Variants in LINGO2 observed in about 807,000 individuals in gnomAD.
The protein encoded by LINGO2 is leucine-rich repeat and immunoglobulin-like domain-containing nogo receptor-interacting protein 2.
LINGO2 carries 14 observed loss-of-function variants against 30.6 expected under a neutral mutation model. That is an observed-to-expected ratio of 0.46 (90% CI 0.30 to 0.72). The LOEUF (loss-of-function observed/expected upper bound fraction) is 0.72, where lower values mean the gene tolerates loss of function less well. Ranked by LOEUF, LINGO2 falls within the 30% of genes least tolerant of loss-of-function variation. The pLI is 0.07. For synonymous variants in LINGO2, 317 were observed against 288.5 expected (o/e 1.10, Z -1.00); for missense variants, 729 against 751.7 (o/e 0.97, Z 0.35).
chr9:28,746,203 C>A, the LINGO2 span, among the ~76,000 whole-genome samples: 2 of 151,924 alleles, frequency 1.3e-5, no homozygotes, highest in Non-Finnish European at 2.9e-5. Flanking sequence ...CTTCAATAAT[C>A]ATGCTAGGTA....
At chr9:29,040,583 C>T in the LINGO2 span, among the ~76,000 whole-genome samples, 2 of 150,494 alleles carry the variant, frequency 1.3e-5, no homozygotes, top group Admixed American at 6.6e-5. Context: ...AAAAGAGATA[C>T]ATAATTATCA....
chr9:27,949,445 T>G (rs377599950), exon 6 of LINGO2: 6 of 1,613,928 alleles, frequency 3.7e-6, no homozygotes, highest in African/African-American at 2.7e-5. Context: ...GGATTTTGGG[T>G]TTTTTGCAGG....
intron 4 of LINGO2, among the ~76,000 whole-genome samples, chr9:28,243,864 C>T (rs538804641): frequency 1.3e-5 from 2 of 152,222 alleles, no homozygotes; most frequent in African/African-American, 2.4e-5. Context: ...TAGACTCCCA[C>T]TCAATAATAG....
chr9:29,021,604 C>T, the LINGO2 span, among the ~76,000 whole-genome samples: 108 of 151,238 alleles, frequency 7.1e-4, no homozygotes, highest in Admixed American at 2.0e-3. Flanking sequence ...TTGCAGTGAG[C>T]GGAAATCGCT....
intron 5 of LINGO2, among the ~76,000 whole-genome samples, chr9:27,982,960 A>C (rs1422742434): frequency 6.6e-6 from 1 of 151,866 alleles, no homozygotes; most frequent in Non-Finnish European, 1.5e-5. Flanking sequence ...CATGCAGCAC[A>C]CAATACGTAC....
chr9:28,640,614 G>A (rs998727972), intron 1 of LINGO2, among the ~76,000 whole-genome samples: 9 of 150,230 alleles, frequency 6.0e-5, no homozygotes, highest in Admixed American at 4.7e-4. Flanking sequence ...CCAGTTGATC[G>A]AATCGGCTAC....
the LINGO2 span, among the ~76,000 whole-genome samples, chr9:28,705,026 C>T: frequency 6.6e-6 from 1 of 152,032 alleles, no homozygotes; most frequent in Non-Finnish European, 1.5e-5. Context: ...AGGTGATCCT[C>T]CCACCTCAGC....
the LINGO2 span, among the ~76,000 whole-genome samples, chr9:28,722,549 G>T: frequency 6.6e-6 from 1 of 151,982 alleles, no homozygotes; most frequent in South Asian, 2.1e-4. Context: ...GTCCTGGAGA[G>T]GAAGGAAAGG....
the LINGO2 span, among the ~76,000 whole-genome samples, chr9:29,086,903 T>C: frequency 6.6e-6 from 1 of 151,692 alleles, no homozygotes; most frequent in African/African-American, 2.4e-5. Context: ...TTTTTTTTTT[T>C]TTTTTTTGAG....
chr9:28,183,467 C>A (rs1819431196), intron 4 of LINGO2, among the ~76,000 whole-genome samples: 1 of 152,228 alleles, frequency 6.6e-6, no homozygotes, highest in South Asian at 2.1e-4. Flanking sequence ...AGGGGTCACA[C>A]AACTATCATG....
rs115666551 is a variant in LINGO2 at position 28,360,504 on chromosome 9, T to C, written c.-246+12332A>G. Among the ~76,000 whole-genome samples, 220 of 152,270 alleles carry C rather than the reference T, an allele frequency of 1.4e-3. 1 individual carries two copies. The highest frequency in any genetic ancestry group is 5.1e-3 in the African/African-American group (212 of 41,552). ...TTTTAGGATCATTCTTTTTTAAAAA[T>C]TTCAAAGAAGCTGCTCTAAAACTCC... is the stretch of plus-strand genomic sequence containing the variant. On this transcript the variant is annotated intron_variant, in intron 3 of 5. Coordinates refer to ENST00000379992, the Ensembl canonical transcript of LINGO2.
intron 1 of LINGO2, among the ~76,000 whole-genome samples, chr9:28,483,492 A>T (rs1346119567): frequency 6.6e-6 from 1 of 151,816 alleles, no homozygotes; most frequent in Non-Finnish European, 1.5e-5. Context: ...TTTTGTGCTC[A>T]TTGAAATCTG....
At chr9:28,726,263 A>C in the LINGO2 span, among the ~76,000 whole-genome samples, 2 of 152,122 alleles carry the variant, frequency 1.3e-5, no homozygotes, top group Non-Finnish European at 2.9e-5. Flanking sequence ...TGAGTGGAAA[A>C]TGGGAACATG....
At chr9:28,469,780 G>A (rs183020265) in intron 2 of LINGO2, among the ~76,000 whole-genome samples, 187 of 152,160 alleles carry the variant, frequency 1.2e-3, no homozygotes, top group Admixed American at 6.5e-3. Context: ...ACAAAACTGA[G>A]GCAGTTAATT....
the LINGO2 span, among the ~76,000 whole-genome samples, chr9:28,893,303 C>A: frequency 2.0e-5 from 3 of 151,934 alleles, no homozygotes; most frequent in East Asian, 5.8e-4. Context: ...GTCATTATAC[C>A]ATGTCAGGAC....
At chr9:28,962,421 T>C in the LINGO2 span, among the ~76,000 whole-genome samples, 1 of 152,054 alleles carries the variant, frequency 6.6e-6, no homozygotes, top group Non-Finnish European at 1.5e-5. Context: ...CAAACTTAGT[T>C]AAAACATTTT....
At chr9:28,355,427 GT>G (rs1820160444) in intron 3 of LINGO2, among the ~76,000 whole-genome samples, 1 of 138,494 alleles carries the variant, frequency 7.2e-6, no homozygotes, top group African/African-American at 2.7e-5. Context: ...CCTTGGAAAA[GT>G]TTTTTCCCCA....
intron 4 of LINGO2, among the ~76,000 whole-genome samples, chr9:28,254,226 CATTAAT>C (rs951126765): frequency 6.6e-6 from 1 of 151,962 alleles, no homozygotes; most frequent in African/African-American, 2.4e-5. Flanking sequence ...TAATTTTTAA[CATTAAT>C]ATTAACAATG....
the LINGO2 span, among the ~76,000 whole-genome samples, chr9:28,733,546 T>C: frequency 1.3e-5 from 2 of 152,186 alleles, no homozygotes; most frequent in Admixed American, 6.5e-5. Context: ...TGCTTGTCCA[T>C]CTGCTCTACC....
Sources: gnomAD v4.1 joint callset for allele counts (sites outside exome capture counted in the v4.1 genomes callset) on GRCh38, gnomAD v4.1.1 for gene constraint, MANE v1.5 for transcripts, NCBI Gene and HGNC (gene_info 2026-07-23, HGNC 2026-07-21) for gene names.